The following HSDL2 variants were observed in gnomAD, a reference collection of about 807,000 sequenced individuals.
The protein encoded by HSDL2 is hydroxysteroid dehydrogenase-like protein 2.
A neutral mutation model predicts 46.3 loss-of-function variants in HSDL2; 27 were observed. That is an observed-to-expected ratio of 0.58 (90% confidence interval 0.43 to 0.80). HSDL2 has a LOEUF of 0.80. HSDL2 is among the 30% of genes least tolerant of loss of function. The pLI is 0.00. For synonymous variants in HSDL2, 153 were observed against 163.6 expected (o/e 0.94, Z 0.50); for missense variants, 451 against 502.7 (o/e 0.90, Z 0.98).
At chr9:112,457,171 G>GAGGAAATCA (rs1833057744) in intron 9 of HSDL2, among the ~76,000 whole-genome samples, 1 of 151,864 alleles carries the variant, frequency 6.6e-6, no homozygotes, top group Non-Finnish European at 1.5e-5. Flanking sequence ...AAAAAAAATG[G>GAGGAAATCA]AGGAAATCAA....
In HSDL2 at chr9:112,459,522, T is replaced by C. The variant is rs1833139999; in HGVS notation, c.1089T>C (p.Asp363=). The C allele has an allele frequency of 6.2e-7, 1 of 1,613,982 alleles. No homozygotes were observed. The change falls in exon 10 of 11, where the codon GAT becomes GAC. Residue 363 remains aspartate (D), a synonymous_variant. Transcript: ENST00000398805. Reference sequence around the variant, plus strand: ...ATGTCGGATATGGAGAGCCTTCTGATCAGGCAGATGTGGTGATGAGTATGA... The same window carrying C: ...ATGTCGGATATGGAGAGCCTTCTGACCAGGCAGATGTGGTGATGAGTATGA... ...GGNVGYGEPS[D]QADVVMSMTT...
intron 7 of HSDL2, among the ~76,000 whole-genome samples, chr9:112,439,033 C>T (rs1242414268): frequency 6.6e-6 from 1 of 152,198 alleles, no homozygotes; most frequent in Non-Finnish European, 1.5e-5. Flanking sequence ...AAGGGTCTCA[C>T]TCTGTCACCC....
chr9:112,446,885 A>G (rs938753918), intron 8 of HSDL2, among the ~76,000 whole-genome samples: 1 of 152,180 alleles, frequency 6.6e-6, no homozygotes, highest in Non-Finnish European at 1.5e-5. Flanking sequence ...AAACAGAGAG[A>G]CAGCTTCTGA....
intron 6 of HSDL2, among the ~76,000 whole-genome samples, chr9:112,425,914 A>G (rs7868244): frequency 0.92 from 139,253 of 151,606 alleles, 63,991 homozygotes; most frequent in South Asian, 0.96. Context: ...TTTTGTGTGT[A>G]TGTGTGTGTG....
At chr9:112,464,157 A>G (rs543707544) in intron 10 of HSDL2, among the ~76,000 whole-genome samples, 19 of 152,158 alleles carry the variant, frequency 1.2e-4, no homozygotes, top group Non-Finnish European at 2.6e-4. Flanking sequence ...ACTTGAGGCC[A>G]GGAGTATGAG....
chr9:112,386,016 A>G (rs1831210349), intron 1 of HSDL2, among the ~76,000 whole-genome samples: 1 of 148,128 alleles, frequency 6.8e-6, no homozygotes, highest in Admixed American at 6.7e-5. Context: ...CAAGCAATCC[A>G]CCCACCTCAG....
chr9:112,404,854 A>G (rs910819063), intron 2 of HSDL2, among the ~76,000 whole-genome samples: 1 of 152,214 alleles, frequency 6.6e-6, no homozygotes, highest in South Asian at 2.1e-4. Flanking sequence ...AGAGGAATGC[A>G]TGTGAAGTGT....
At chr9:112,410,319 A>G (rs952171895) in intron 4 of HSDL2, among the ~76,000 whole-genome samples, 20 of 152,008 alleles carry the variant, frequency 1.3e-4, no homozygotes, top group African/African-American at 4.6e-4. Context: ...TCTTGTTAAC[A>G]CACAGAATAG....
At chr9:112,388,881 AT>A (rs1831276331) in intron 1 of HSDL2, among the ~76,000 whole-genome samples, 1 of 151,942 alleles carries the variant, frequency 6.6e-6, no homozygotes, top group Non-Finnish European at 1.5e-5. Context: ...GACTAAAGAG[AT>A]ATGTCAATTA....
chr9:112,380,976 A>G (rs1029955767), intron 1 of HSDL2, among the ~76,000 whole-genome samples: 1 of 152,200 alleles, frequency 6.6e-6, no homozygotes, highest in African/African-American at 2.4e-5. Context: ...GACTTAAAAC[A>G]GTTCAAAGAG....
intron 9 of HSDL2, 22 bp downstream of exon 9, chr9:112,454,184 C>A (rs369114906): frequency 3.8e-6 from 6 of 1,591,286 alleles, no homozygotes; most frequent in Non-Finnish European, 5.1e-6. Context: ...ATCTGGTAAT[C>A]TGAAGTTTTT....
chr9:112,421,099 G>A (rs565395769), intron 6 of HSDL2, among the ~76,000 whole-genome samples: 67 of 152,254 alleles, frequency 4.4e-4, no homozygotes, highest in African/African-American at 1.5e-3. Context: ...AGAAGCAGAG[G>A]CAGGAGGATC....
intron 6 of HSDL2, among the ~76,000 whole-genome samples, chr9:112,434,874 G>A (rs527854372): frequency 6.6e-6 from 1 of 152,192 alleles, no homozygotes; most frequent in African/African-American, 2.4e-5. Context: ...TCAATTGGAA[G>A]CTATTAGATG....
At position 112,438,562 on chromosome 9, in the gene HSDL2, A is replaced by T; in HGVS notation, c.730A>T (p.Ile244Phe). Residue 244 changes from isoleucine (I) to phenylalanine (F), a missense_variant, in exon 7 of 11, where the codon ATT becomes TTT. Physicochemically the swap from Ile to Phe is conservative, Grantham distance 21. Coordinates refer to ENST00000398805, the MANE Select transcript of HSDL2 (RefSeq NM_032303.5). ...KPKSFTGNFV[I>F]DENILKEEGI... ...AAAAAGTTTTACTGGCAACTTTGTC[A>T]TTGATGAAAATATCTTAAAAGAAGA... The T allele has an allele frequency of 6.2e-7, 1 of 1,611,952 alleles. No homozygotes were observed. The highest frequency in any genetic ancestry group is 8.5e-7 in the Non-Finnish European group (1 of 1,178,710).
In HSDL2 at chr9:112,400,891, C is replaced by T. The variant is rs77594588; in HGVS notation, c.18-3104C>T. ...CCTTCTTCTTAGAAGGACACCTGTCCGATTGGAGTAAGGGCCTACTCCAAT... is the reference window on the plus strand; with the variant it reads ...CCTTCTTCTTAGAAGGACACCTGTCTGATTGGAGTAAGGGCCTACTCCAAT... On this transcript the variant is annotated intron_variant, in intron 1 of 10. Coordinates refer to ENST00000398805, the MANE Select transcript of HSDL2 (RefSeq NM_032303.5). Among the ~76,000 whole-genome samples the T allele has an allele frequency of 8.4e-3, 1,286 of 152,200 alleles. 23 individuals carry two copies. Among genetic ancestry groups the T allele is most frequent in the African/African-American group, 0.029 (1,221 of 41,502 alleles).
At chr9:112,383,422 T>A (rs1831144532) in intron 1 of HSDL2, among the ~76,000 whole-genome samples, 1 of 152,076 alleles carries the variant, frequency 6.6e-6, no homozygotes, top group African/African-American at 2.4e-5. Flanking sequence ...GTCTTATATT[T>A]TTGTATTTTT....
At chr9:112,409,521 C>G (rs997112804) in intron 4 of HSDL2, among the ~76,000 whole-genome samples, 1 of 152,074 alleles carries the variant, frequency 6.6e-6, no homozygotes, top group African/African-American at 2.4e-5. Flanking sequence ...TTATTTGGAG[C>G]TCCTTTTCTC....
chr9:112,407,178 T>C (rs1467653032), intron 3 of HSDL2, among the ~76,000 whole-genome samples: 2 of 152,228 alleles, frequency 1.3e-5, no homozygotes, highest in African/African-American at 4.8e-5. Flanking sequence ...TGAATGCCTG[T>C]GTCAGAAGAG....
In HSDL2 at chr9:112,470,554, T is replaced by TAA. The variant is rs3832711; in HGVS notation, c.*18_*19dup. On this transcript the variant is annotated 3_prime_UTR_variant, in exon 11 of 11. Coordinates refer to ENST00000398805, the MANE Select transcript of HSDL2 (RefSeq NM_032303.5). The stretch of plus-strand genomic sequence containing the variant: ...GAATGCCAGACTGTGAAGGAAAATA[T>TAA]AAAAAAAAAGTCGACTGCTATGCTC... The TAA allele has an allele frequency of 4.7e-6, 7 of 1,490,510 alleles. No individual in the cohort carries two copies. The highest frequency in any genetic ancestry group is 2.5e-5 in the South Asian group (2 of 80,436). The allele number at this position is 1,490,510 out of a possible 1,614,324, so 92.3% of individuals were successfully genotyped here.
Sources: allele counts gnomAD v4.1 joint callset (sites outside exome capture counted in the v4.1 genomes callset), GRCh38; gene constraint gnomAD v4.1.1; transcripts MANE v1.5; gene names NCBI Gene and HGNC (gene_info 2026-07-23, HGNC 2026-07-21).